SERINC5: variants seen among roughly 807,000 people sequenced by gnomAD.
SERINC5 encodes the protein chromosome 5 open reading frame 12.
SERINC5 carries 41 observed loss-of-function variants against 63.1 expected under a neutral mutation model. The ratio of observed to expected loss-of-function variants is 0.65; its 90% CI spans 0.51 to 0.84. The LOEUF is 0.84. SERINC5 is among the 40% of genes least tolerant of loss of function. SERINC5 has a pLI of 0.00. For synonymous variants in SERINC5, 222 were observed against 215.2 expected (o/e 1.03, Z -0.28); for missense variants, 523 against 573.0 (o/e 0.91, Z 0.89).
intron 2 of SERINC5, among the ~76,000 whole-genome samples, chr5:80,180,515 A>G (rs149208681): frequency 6.6e-6 from 1 of 152,324 alleles, no homozygotes; most frequent in African/African-American, 2.4e-5. Flanking sequence ...CAAGAGTCTC[A>G]ATGGGGAATA....
intron 7 of SERINC5, among the ~76,000 whole-genome samples, chr5:80,164,014 T>G (rs1028573667): frequency 2.6e-5 from 4 of 152,192 alleles, no homozygotes; most frequent in Non-Finnish European, 5.9e-5. Context: ...TTTTTCTTAT[T>G]GGAAGATTTT....
chr5:80,143,035 G>A lies in SERINC5; in HGVS notation c.*628C>T, dbSNP rs538188402. ...CCAGAAAAGATGAGACCTCGGGGAA[G>A]GGTGCAGGCAGAGAGTGAAGTCTGT... On this transcript the variant is annotated 3_prime_UTR_variant, in exon 12 of 12. Transcript: ENST00000507668. 1.0e-6 allele frequency: 1 copy of A among 985,466 alleles called. No individual in the cohort carries two copies. Among genetic ancestry groups the A allele is most frequent in the African/African-American group, 1.7e-5 (1 of 57,364 alleles). 61.0% of individuals were successfully genotyped at this position (985,466 alleles called of 1,614,324 possible).
At chr5:80,128,862 C>T (rs923332197) in intron 11 of SERINC5, 1 of 152,160 alleles carries the variant, frequency 6.6e-6, no homozygotes, top group East Asian at 1.9e-4. Context: ...CTTTCCCTCC[C>T]TCTCCTCTCT....
intron 2 of SERINC5, among the ~76,000 whole-genome samples, chr5:80,194,120 C>T (rs1186143535): frequency 2.0e-5 from 3 of 152,150 alleles, no homozygotes; most frequent in South Asian, 2.1e-4. Context: ...TCAGTTGCTA[C>T]GCAGAAAGAG....
chr5:80,159,051 C>G, intron 7 of SERINC5, 89 bp from the exon 8 acceptor site: 5 of 1,345,736 alleles, frequency 3.7e-6, no homozygotes, highest in East Asian at 2.3e-5. Flanking sequence ...ATTCAGGTAG[C>G]TGTGGTGTAC....
intron 1 of SERINC5, among the ~76,000 whole-genome samples, chr5:80,243,414 G>C (rs186066370): frequency 7.9e-5 from 12 of 152,118 alleles, no homozygotes; most frequent in Admixed American, 5.2e-4. Flanking sequence ...GACAAGACAG[G>C]AATTTCCCCT....
intron 11 of SERINC5, among the ~76,000 whole-genome samples, chr5:80,145,492 A>G (rs1168782095): frequency 2.0e-5 from 3 of 152,202 alleles, no homozygotes; most frequent in African/African-American, 7.2e-5. Context: ...GTATTTTAAA[A>G]AAAGATGTTT....
intron 11 of SERINC5, among the ~76,000 whole-genome samples, chr5:80,131,166 G>T (rs920531313): frequency 6.6e-6 from 1 of 152,106 alleles, no homozygotes; most frequent in African/African-American, 2.4e-5. Context: ...TCATGGGGGG[G>T]ACCTGGTGAG....
chr5:80,170,704 C>T (rs999553722), intron 5 of SERINC5, among the ~76,000 whole-genome samples: 3 of 152,154 alleles, frequency 2.0e-5, no homozygotes, highest in South Asian at 2.1e-4. Context: ...CACAGAGCCC[C>T]GAAGCGCCAT....
intron 1 of SERINC5, among the ~76,000 whole-genome samples, chr5:80,234,769 C>T (rs901909167): frequency 1.3e-5 from 2 of 152,158 alleles, no homozygotes; most frequent in African/African-American, 4.8e-5. Context: ...TATGTACCTA[C>T]ATACATGGAT....
chr5:80,139,731 C>T lies in SERINC5; in HGVS notation c.*3932G>A. The T allele has an allele frequency of 1.0e-6, 1 of 985,408 alleles. No individual in the cohort carries two copies. Among genetic ancestry groups the T allele is most frequent in the Non-Finnish European group, 1.2e-6 (1 of 829,946 alleles). 61.0% of individuals were successfully genotyped at this position (985,408 alleles called of 1,614,324 possible). ...TTAACTAGCAAGTTACAGGAAATAG[C>T]CTTCAGTAAATTCCACAAGCCAAGT... On this transcript the variant is annotated 3_prime_UTR_variant, in exon 12 of 12. Coordinates refer to ENST00000507668, the MANE Select transcript of SERINC5 (RefSeq NM_001174072.3).
chr5:80,220,231 A>AAG (rs112165731), intron 1 of SERINC5, among the ~76,000 whole-genome samples: 9 of 114,452 alleles, frequency 7.9e-5, no homozygotes, highest in Non-Finnish European at 1.3e-4. Context: ...AAAAAAAAAA[A>AAG]AGAGAGAGAG....
At position 80,146,115 on chromosome 5, in the gene SERINC5, T is replaced by C. The variant is rs753606797; in HGVS notation, c.1213A>G (p.Met405Val). The change falls in exon 11 of 12, where the codon ATG becomes GTG. Residue 405 changes from methionine to valine, a missense_variant. Transcript: ENST00000507668. ...FVFFLASLYVMMTVTNWFNYE... is the reference protein window; with the variant it reads ...FVFFLASLYVVMTVTNWFNYE... ...TTGAACCAGTTGGTGACGGTCATCA[T>C]CACATACAGGGAAGCTAGGAAGAAC... is the stretch of plus-strand genomic sequence containing the variant. 4 of 1,614,018 alleles carry C rather than the reference T, an allele frequency of 2.5e-6. No homozygotes were observed. The South Asian group carries it at 4.4e-5, about 18-fold the overall frequency.
chr5:80,146,230 A>C lies in SERINC5; in HGVS notation c.1098T>G (p.Thr366=). The change falls in exon 11 of 12, where the codon ACT becomes ACG. Residue 366 remains threonine, a synonymous_variant. Coordinates refer to ENST00000507668, the MANE Select transcript of SERINC5 (RefSeq NM_001174072.3). ...CFCFSPGGED[T]EEQQPGKEGP... ...CCTCCTTCCCCGGCTGCTGCTCTTCAGTGTCTGTGAAGCACAGAGGGAGCC... is the reference window on the plus strand; with the variant it reads ...CCTCCTTCCCCGGCTGCTGCTCTTCCGTGTCTGTGAAGCACAGAGGGAGCC... The C allele has an allele frequency of 6.2e-7, 1 of 1,613,918 alleles. No homozygotes were observed.
At chr5:80,245,779 T>A (rs1752141019) in intron 1 of SERINC5, among the ~76,000 whole-genome samples, 1 of 151,832 alleles carries the variant, frequency 6.6e-6, no homozygotes. Context: ...CATGCCTGGC[T>A]AATTTTTGTA....
At chr5:80,247,099 T>C (rs1055451131) in intron 1 of SERINC5, among the ~76,000 whole-genome samples, 16 of 152,220 alleles carry the variant, frequency 1.1e-4, no homozygotes, top group Non-Finnish European at 2.4e-4. Flanking sequence ...AATAGCTTGG[T>C]CAAAGAATTA....
Position 80,177,325 on chromosome 5 carries a change from G to A in SERINC5, c.447C>T (p.Thr149=), listed in dbSNP as rs776592981. The change falls in exon 4 of 12, where the codon ACC becomes ACT. Residue 149 remains threonine (T), a synonymous_variant. Coordinates refer to ENST00000507668, the MANE Select transcript of SERINC5 (RefSeq NM_001174072.3). ...ATACCCCATTAGTACCGTTCAGAAAGGTGTCCTGATCTGGAATGAAGAAAG... is the reference window on the plus strand; with the variant it reads ...ATACCCCATTAGTACCGTTCAGAAAAGTGTCCTGATCTGGAATGAAGAAAG... ...SGAFFIPDQD[T]FLNAWRYVGA... 20 of 1,611,448 alleles carry A rather than the reference G, an allele frequency of 1.2e-5. No individual in the cohort carries two copies. The highest frequency in any genetic ancestry group is 1.7e-4 in the Middle Eastern group (1 of 6,054).
chr5:80,172,604 C>T (rs933844263), intron 5 of SERINC5, among the ~76,000 whole-genome samples: 6 of 149,274 alleles, frequency 4.0e-5, no homozygotes, highest in Non-Finnish European at 5.9e-5. Context: ...ATGATAATGA[C>T]CGTCATATTC....
At chr5:80,135,367 G>A (rs909484161), downstream of SERINC5, among the ~76,000 whole-genome samples, 2 of 152,102 alleles carry the variant, frequency 1.3e-5, no homozygotes, top group Admixed American at 6.6e-5. Context: ...AAGGAAGGCC[G>A]ACCCAGAAGG....
Sources: gnomAD v4.1 joint callset for allele counts (sites outside exome capture counted in the v4.1 genomes callset) on GRCh38, gnomAD v4.1.1 for gene constraint, MANE v1.5 for transcripts, NCBI Gene and HGNC (gene_info 2026-07-23, HGNC 2026-07-21) for gene names.